The following PTPRH variants were observed in gnomAD, a reference collection of about 807,000 sequenced individuals.
The protein encoded by PTPRH is receptor-type tyrosine-protein phosphatase H.
A neutral mutation model predicts 130.2 loss-of-function variants in PTPRH; 113 were observed. The ratio of observed to expected loss-of-function variants is 0.87; its 90% CI spans 0.75 to 1.01. The LOEUF is 1.01. Among genes scored for constraint, PTPRH ranks in the 50% least tolerant of loss-of-function variants. The probability of loss-of-function intolerance (pLI) is 0.00; values close to 1 mark genes in which losing one functional copy is unlikely to be tolerated. For missense variants in PTPRH, 1,430 were observed against 1,425.0 expected (o/e 1.00, Z -0.06); for synonymous variants, 556 against 577.9 (o/e 0.96, Z 0.54).
Position 55,202,203 on chromosome 19 carries a change from C to T in PTPRH, c.1006G>A (p.Gly336Arg). 2 of 1,614,194 alleles carry T rather than the reference C, an allele frequency of 1.2e-6. No individual in the cohort carries two copies. Among genetic ancestry groups the T allele is most frequent in the South Asian group, 1.1e-5 (1 of 91,078 alleles). Residue 336 changes from glycine to arginine, a missense_variant, in exon 6 of 20, where the codon GGA becomes AGA. Physicochemically the swap from Gly to Arg is moderately radical, Grantham distance 125. Coordinates refer to ENST00000376350, the MANE Select transcript of PTPRH (RefSeq NM_002842.5). ...QNSTYGVEYT[G>R]DGGRAGTRST... ...CGAGTCCCTGCTCTGCCACCATCTC[C>T]AGTGTACTCAACCCCGTAGGTGGAG...
In PTPRH at chr19:55,187,557, G is replaced by A. The variant is rs1183263171; in HGVS notation, c.2522C>T (p.Ala841Val). Residue 841 changes from alanine to valine, a missense_variant, in exon 14 of 20, where the codon GCT (alanine) becomes GTT (valine). By Grantham distance (64) the Ala-to-Val change is moderately conservative (BLOSUM62 0). Coordinates refer to ENST00000376350, the MANE Select transcript of PTPRH (RefSeq NM_002842.5). Reference protein sequence around the residue: ...GHSQSQMVASASENNAKNRYR... With the variant: ...GHSQSQMVASVSENNAKNRYR... ...GCGGTTCTTGGCGTTGTTCTCTGAAGCCGAAGCCACCATCTGAGACTGGCT... is the reference window on the plus strand; with the variant it reads ...GCGGTTCTTGGCGTTGTTCTCTGAAACCGAAGCCACCATCTGAGACTGGCT... 1.9e-6 allele frequency: 3 copies of A among 1,613,304 alleles called. No homozygotes were observed. The African/African-American group carries it at 4.0e-5, about 22-fold the overall frequency.
intron 7 of PTPRH, 74 bp from the exon 8 acceptor site, chr19:55,198,986 G>T: frequency 7.4e-7 from 1 of 1,343,080 alleles, no homozygotes; most frequent in Non-Finnish European, 9.7e-7. Flanking sequence ...GATACGCCCT[G>T]TCCTTGTGCA....
chr19:55,186,398 T>A (rs77296713), intron 15 of PTPRH, 39 bp from the exon 16 acceptor site: 159,252 of 1,612,078 alleles, frequency 0.099, 8,752 homozygotes, highest in African/African-American at 0.17. Context: ...GGGCCTTTAG[T>A]TGATCCCCGA....
At chr19:55,198,508 C>T (rs532141934) in intron 8 of PTPRH, 135 bp downstream of exon 8, 22 of 938,602 alleles carry the variant, frequency 2.3e-5, no homozygotes, top group East Asian at 1.5e-4. Flanking sequence ...ACGGGACCTA[C>T]AGGTTTAAGC....
At chr19:55,192,831 A>G (rs908738871) in intron 10 of PTPRH, among the ~76,000 whole-genome samples, 2 of 151,842 alleles carry the variant, frequency 1.3e-5, no homozygotes, top group Non-Finnish European at 2.9e-5. Flanking sequence ...GATTATAGGC[A>G]TGAGCCACCA....
chr19:55,186,388 G>A (rs768657129), intron 15 of PTPRH, 29 bp from the exon 16 acceptor site: 2 of 1,612,512 alleles, frequency 1.2e-6, no homozygotes, highest in Admixed American at 3.3e-5. Flanking sequence ...CGGGTCAGGG[G>A]GGCCTTTAGT....
In PTPRH at chr19:55,207,158, T is replaced by A; in HGVS notation, c.85+8A>T. 4 of 1,612,642 alleles carry A rather than the reference T, an allele frequency of 2.5e-6. No individual in the cohort carries two copies. Among genetic ancestry groups the A allele is most frequent in the Non-Finnish European group, 3.4e-6 (4 of 1,179,570 alleles). On this transcript the variant is annotated splice_region_variant and intron_variant, in intron 2 of 19. Coordinates refer to ENST00000376350, the MANE Select transcript of PTPRH (RefSeq NM_002842.5). ...AGTGGGCAGTGAGTTCAGGCAGGGGTCACTCACCAGGCGCCCTGGCCCCTG... is the reference window on the plus strand; with the variant it reads ...AGTGGGCAGTGAGTTCAGGCAGGGGACACTCACCAGGCGCCCTGGCCCCTG...
chr19:55,184,646 G>A (rs1466176145), intron 18 of PTPRH, among the ~76,000 whole-genome samples: 4 of 151,798 alleles, frequency 2.6e-5, no homozygotes, highest in African/African-American at 7.3e-5. Context: ...AATTAGCTGG[G>A]TGTGGTGGTG....
chr19:55,206,738 C>T lies in PTPRH; in HGVS notation c.303G>A (p.Val101=), dbSNP rs1435657124. 1.2e-6 allele frequency: 2 copies of T among 1,613,578 alleles called. No individual in the cohort carries two copies. Among genetic ancestry groups the T allele is most frequent in the African/African-American group, 1.3e-5 (1 of 75,046 alleles). ...CAGAGCTATTTACTCCGTCTTTCTC[C>T]ACCCACACAGAACACGTATACAATG... ...PGSLYTCSVW[V]EKDGVNSSVG... Residue 101 remains valine (V), a synonymous_variant, in exon 3 of 20, where the codon GTG becomes GTA. Coordinates refer to ENST00000376350, the MANE Select transcript of PTPRH (RefSeq NM_002842.5).
At chr19:55,205,689 G>A in intron 3 of PTPRH, 97 bp from the exon 4 acceptor site, 1 of 1,549,136 alleles carries the variant, frequency 6.5e-7, no homozygotes, top group Non-Finnish European at 8.7e-7. Context: ...TAGAGGCAGG[G>A]AGGCCCAGCT....
chr19:55,194,558 AG>A (rs2086631802), intron 10 of PTPRH, among the ~76,000 whole-genome samples: 1 of 152,176 alleles, frequency 6.6e-6, no homozygotes, highest in Admixed American at 6.5e-5. Flanking sequence ...CCCTATTCCT[AG>A]GAAGTGATTG....
chr19:55,202,792 A>C (rs1259500357), intron 5 of PTPRH, among the ~76,000 whole-genome samples: 2 of 152,164 alleles, frequency 1.3e-5, no homozygotes, highest in African/African-American at 2.4e-5. Context: ...TAATCCCAGC[A>C]CTTTGGGAGG....
chr19:55,196,400 T>C, intron 10 of PTPRH, 122 bp downstream of exon 10: 3 of 1,294,472 alleles, frequency 2.3e-6, no homozygotes, highest in South Asian at 2.9e-5. Context: ...AAATACAAAA[T>C]AAAAAAGATG....
chr19:55,196,919 T>C, intron 9 of PTPRH, 131 bp from the exon 10 acceptor site: 1 of 1,268,748 alleles, frequency 7.9e-7, no homozygotes, highest in Non-Finnish European at 1.1e-6. Context: ...TCTTCCCTCC[T>C]TTTCTGTCCT....
rs1191322139 is a variant in PTPRH, at chr19:55,189,756, G to C, written c.2385-1588C>G. The C allele has an allele frequency of 1.3e-5, 6 of 455,622 alleles. No homozygotes were observed. The East Asian group carries it at 4.2e-4, about 32-fold the overall frequency. 28.2% of individuals were successfully genotyped at this position (455,622 alleles called of 1,614,324 possible). A position where few individuals can be genotyped will look rare whatever the true frequency, so the allele number is the denominator to read the frequency against. On this transcript the variant is annotated intron_variant, in intron 12 of 19. Coordinates refer to ENST00000376350, the MANE Select transcript of PTPRH (RefSeq NM_002842.5). ...AACACTTTGGGAGGCCGAGGTGGAA[G>C]GGCTGCTTGGGGCCAGAAGTTCAAG...
Position 55,181,816 on chromosome 19 carries a change from C to T in PTPRH, c.3286G>A (p.Asp1096Asn), listed in dbSNP as rs753302880. 2.1e-5 allele frequency: 34 copies of T among 1,614,108 alleles called. No homozygotes were observed. In the Admixed American group the frequency reaches 5.5e-4, roughly 26 times the overall value. Residue 1096 changes from aspartate to asparagine, a missense_variant, in exon 20 of 20, where the codon GAT becomes AAT. Physicochemically the swap from Asp to Asn is conservative, Grantham distance 23. Coordinates refer to ENST00000376350, the MANE Select transcript of PTPRH (RefSeq NM_002842.5). ...TTCTCGTAGATGAGGTTTTCGACAT[C>T]CTCATACGGGACTTCCTTCTCGGCT... ...APAEKEVPYE[D>N]VENLIYENVA...
At chr19:55,195,186 G>T (rs910975866) in intron 10 of PTPRH, among the ~76,000 whole-genome samples, 1 of 152,146 alleles carries the variant, frequency 6.6e-6, no homozygotes, top group African/African-American at 2.4e-5. Flanking sequence ...TTAGCTGGGC[G>T]TGGTAGGAGG....
intron 7 of PTPRH, 113 bp downstream of exon 7, chr19:55,200,123 G>A: frequency 8.1e-7 from 1 of 1,227,064 alleles, no homozygotes; most frequent in Non-Finnish European, 1.1e-6. Flanking sequence ...TGGAGAGGCA[G>A]ATGTCTGCAG....
At chr19:55,186,073 G>A in intron 16 of PTPRH, 89 bp from the exon 17 acceptor site, 1 of 1,599,358 alleles carries the variant, frequency 6.3e-7, no homozygotes, top group Non-Finnish European at 8.5e-7. Flanking sequence ...ACCAGCAGAT[G>A]GGCTGGGGGG....
Sources: allele counts gnomAD v4.1 joint callset (sites outside exome capture counted in the v4.1 genomes callset), GRCh38; gene constraint gnomAD v4.1.1; transcripts MANE v1.5; gene names NCBI Gene and HGNC (gene_info 2026-07-23, HGNC 2026-07-21).